IL1RAPL1: variants seen among roughly 807,000 people sequenced by gnomAD.
IL1RAPL1 encodes the protein interleukin-1 receptor accessory protein-like 1.
In IL1RAPL1, 3 loss-of-function variants were observed where a neutral mutation model predicts 48.4. That is an observed-to-expected ratio of 0.06 (90% confidence interval 0.03 to 0.16). IL1RAPL1 has a LOEUF of 0.16. IL1RAPL1 is among the 10% of genes least tolerant of loss of function. IL1RAPL1 has a pLI of 1.00. For missense variants in IL1RAPL1, 349 were observed against 530.6 expected, an observed-to-expected ratio of 0.66 and a Z score of 3.36; for synonymous variants, 185 against 187.7, an observed-to-expected ratio of 0.99 and a Z score of 0.12.
At chrX:29,883,070 T>C (rs2147215709) in intron 6 of IL1RAPL1, among the ~76,000 whole-genome samples, 1 of 111,752 alleles carries the variant, frequency 8.9e-6, no homozygotes, top group East Asian at 2.8e-4. Context: ...GGTCACACAT[T>C]TATTCATTCT....
chrX:29,911,836 G>T (rs1932758762), intron 6 of IL1RAPL1, among the ~76,000 whole-genome samples: 1 of 111,844 alleles, frequency 8.9e-6, no homozygotes, highest in Non-Finnish European at 1.9e-5. Flanking sequence ...ATCATAGCCT[G>T]ATTTGTAGCA....
At chrX:28,768,755 C>CTATATATATATATATA (rs1207885215) in intron 1 of IL1RAPL1, among the ~76,000 whole-genome samples, 2 of 34,869 alleles carry the variant, frequency 5.7e-5, no homozygotes, top group Non-Finnish European at 9.5e-5. Flanking sequence ...CTCTCTCTCT[C>CTATATATATATATATA]TATATATATA....
intron 1 of IL1RAPL1, among the ~76,000 whole-genome samples, chrX:28,657,026 C>CAAAAA (rs766745553): frequency 5.2e-5 from 2 of 38,457 alleles, no homozygotes; most frequent in African/African-American, 9.1e-5. Context: ...GACTCTACCT[C>CAAAAA]AAAAAAAAAA....
At chrX:29,495,338 T>A (rs1304823696) in intron 5 of IL1RAPL1, among the ~76,000 whole-genome samples, 4 of 112,044 alleles carry the variant, frequency 3.6e-5, no homozygotes, top group Non-Finnish European at 7.5e-5. Flanking sequence ...AAAACTAAGT[T>A]TATTTATTTC....
In IL1RAPL1 at chrX:28,862,972, C is replaced by A. The variant is rs149654847; in HGVS notation, c.82+73547C>A. 4.1e-3 allele frequency among the ~76,000 whole-genome samples: 454 copies of A among 110,679 alleles called. 2 individuals carry two copies. The highest frequency in any genetic ancestry group is 0.013 in the African/African-American group (409 of 30,432). On this transcript the variant is annotated intron_variant, in intron 2 of 10. Coordinates refer to ENST00000378993, the MANE Select transcript of IL1RAPL1 (RefSeq NM_014271.4). ...TCTTGGCTCACGGCAACATCCGCCT[C>A]CCCGGTTCAAGTGATTCTCTCACAC...
chrX:29,872,701 TG>T (rs766567827), intron 6 of IL1RAPL1, among the ~76,000 whole-genome samples: 132 of 111,988 alleles, frequency 1.2e-3, no homozygotes, highest in African/African-American at 4.0e-3. Flanking sequence ...CTCTTCTTTT[TG>T]CCTCAATGAG....
chrX:29,414,267 TA>T (rs1360953632), intron 5 of IL1RAPL1, among the ~76,000 whole-genome samples: 1 of 111,584 alleles, frequency 9.0e-6, no homozygotes, highest in African/African-American at 3.3e-5. Context: ...AAGAGATGGA[TA>T]AAGGTGATGG....
intron 1 of IL1RAPL1, among the ~76,000 whole-genome samples, chrX:28,774,378 G>A (rs1321437492): frequency 1.8e-5 from 2 of 111,311 alleles, no homozygotes; most frequent in African/African-American, 3.3e-5. Context: ...TGGATTATCC[G>A]GGTCCTCTGG....
intron 5 of IL1RAPL1, among the ~76,000 whole-genome samples, chrX:29,468,842 G>T (rs1934891380): frequency 1.8e-5 from 2 of 111,758 alleles, no homozygotes; most frequent in Non-Finnish European, 3.8e-5. Context: ...AATGAGAACT[G>T]CTCAGTTTAA....
chrX:29,365,231 A>T (rs1177610959), intron 3 of IL1RAPL1, among the ~76,000 whole-genome samples: 1 of 111,665 alleles, frequency 9.0e-6, no homozygotes, highest in African/African-American at 3.3e-5. Flanking sequence ...CATAGAAGTG[A>T]GGGAGAGCAT....
At chrX:29,536,137 A>C (rs1921225118) in intron 5 of IL1RAPL1, among the ~76,000 whole-genome samples, 1 of 112,272 alleles carries the variant, frequency 8.9e-6, no homozygotes, top group Non-Finnish European at 1.9e-5. Flanking sequence ...TAGGAACTTA[A>C]GAGAAAAATT....
chrX:29,508,542 GA>G (rs1176917262), intron 5 of IL1RAPL1, among the ~76,000 whole-genome samples: 1 of 110,593 alleles, frequency 9.0e-6, no homozygotes, highest in Admixed American at 9.6e-5. Flanking sequence ...AATACCCAAA[GA>G]AAAAAAACAA....
At chrX:29,681,681 TG>T (rs1345402871) in intron 6 of IL1RAPL1, among the ~76,000 whole-genome samples, 1 of 112,249 alleles carries the variant, frequency 8.9e-6, no homozygotes, top group East Asian at 2.8e-4. Flanking sequence ...CTTGTGAAAA[TG>T]TGCCAAGAAA....
intron 2 of IL1RAPL1, among the ~76,000 whole-genome samples, chrX:29,265,449 T>C (rs1931936228): frequency 9.1e-6 from 1 of 110,077 alleles, no homozygotes; most frequent in Non-Finnish European, 1.9e-5. Flanking sequence ...AGATAAATCA[T>C]GGAATCTTTT....
rs924746908 is a variant in IL1RAPL1 at position 29,876,751 on chromosome X, G to A, written c.779-40713G>A. Among the ~76,000 whole-genome samples the A allele has an allele frequency of 1.2e-4, 13 of 111,637 alleles. No individual in the cohort carries two copies. The Admixed American group carries it at 1.2e-3, about 11-fold the overall frequency. On this transcript the variant is annotated intron_variant, in intron 6 of 10. Coordinates refer to ENST00000378993, the MANE Select transcript of IL1RAPL1 (RefSeq NM_014271.4). Reference sequence around the variant, plus strand: ...TCCACAAATTTGGCACAGTTAATGGGTAGCTAATCAGAAAAAATTAAGCTT... The same window carrying A: ...TCCACAAATTTGGCACAGTTAATGGATAGCTAATCAGAAAAAATTAAGCTT...
At chrX:29,051,992 T>C (rs1022216501) in intron 2 of IL1RAPL1, among the ~76,000 whole-genome samples, 5 of 112,112 alleles carry the variant, frequency 4.5e-5, no homozygotes, top group Non-Finnish European at 9.4e-5. Context: ...TGTGATTCCA[T>C]GTTTCCAAAT....
intron 5 of IL1RAPL1, among the ~76,000 whole-genome samples, chrX:29,569,698 GA>G (rs1165586541): frequency 1.8e-5 from 2 of 110,899 alleles, no homozygotes; most frequent in East Asian, 5.6e-4. Context: ...CATTTAATGA[GA>G]AAAATTCACG....
chrX:28,972,556 G>A (rs192290412), intron 2 of IL1RAPL1, among the ~76,000 whole-genome samples: 187 of 110,465 alleles, frequency 1.7e-3, no homozygotes, highest in African/African-American at 5.8e-3. Context: ...GGCTAATACA[G>A]TGAAACCCCG....
At position 29,955,316 on chromosome X, in the gene IL1RAPL1, C is replaced by T. The variant is rs374945349; in HGVS notation, c.1587C>T (p.His529=). 17 of 1,209,066 alleles carry T rather than the reference C, an allele frequency of 1.4e-5. No individual in the cohort carries two copies. The highest frequency in any genetic ancestry group is 1.7e-5 in the Non-Finnish European group (15 of 894,679). ...MNYQEVEALK[H]TIKLLTVIKW... ...ACCAGGAGGTGGAGGCCCTGAAGCA[C>T]ACCATCAAGCTCCTGACGGTCATTA... is the stretch of plus-strand genomic sequence containing the variant. The change falls in exon 11 of 11, where the codon CAC becomes CAT. Residue 529 remains histidine, a synonymous_variant. Transcript: ENST00000378993.
Sources: allele counts gnomAD v4.1 joint callset (sites outside exome capture counted in the v4.1 genomes callset), GRCh38; gene constraint gnomAD v4.1.1; transcripts MANE v1.5; gene names NCBI Gene and HGNC (gene_info 2026-07-23, HGNC 2026-07-21).